The following PTPN3 variants were observed in gnomAD, a reference collection of about 807,000 sequenced individuals.
PTPN3 encodes protein tyrosine phosphatase non-receptor type 3.
In PTPN3, 96 loss-of-function variants were observed where a neutral mutation model predicts 132.7. That is an observed-to-expected ratio of 0.72 (90% CI 0.61 to 0.86). The LOEUF (loss-of-function observed/expected upper bound fraction) is 0.86, where lower values mean the gene tolerates loss of function less well. PTPN3 is among the 40% of genes least tolerant of loss of function. The probability of loss-of-function intolerance (pLI) is 0.00; values close to 1 mark genes in which losing one functional copy is unlikely to be tolerated. For synonymous variants in PTPN3, 398 were observed against 429.0 expected (o/e 0.93, Z 0.89); for missense variants, 1,125 against 1,159.6 (o/e 0.97, Z 0.43).
In PTPN3 at chr9:109,389,345, T is replaced by A. The variant is rs1839867874; in HGVS notation, c.2141A>T (p.Tyr714Phe). Residue 714 changes from tyrosine to phenylalanine, a missense_variant, in exon 22 of 26, where the codon TAC becomes TTC. Tyr to Phe is a conservative substitution (Grantham distance 22). Coordinates refer to ENST00000374541, the MANE Select transcript of PTPN3 (RefSeq NM_002829.4). Reference protein sequence around the residue: ...EIPAANLVNKYIATQGPLPHT... With the variant: ...EIPAANLVNKFIATQGPLPHT... The stretch of plus-strand genomic sequence containing the variant: ...CGGCAGGGGCCCCTGAGTGGCGATG[T>A]ACTTGTTCACAAGGTTAGCAGCAGG... 7.4e-6 allele frequency: 12 copies of A among 1,613,940 alleles called. No homozygotes were observed. The highest frequency in any genetic ancestry group is 1.0e-5 in the Non-Finnish European group (12 of 1,179,918).
intron 14 of PTPN3, among the ~76,000 whole-genome samples, chr9:109,420,040 T>C (rs560910317): frequency 2.6e-5 from 4 of 152,330 alleles, no homozygotes; most frequent in East Asian, 1.9e-4. Flanking sequence ...TTTGAAATCA[T>C]GTGATGGTAA....
intron 24 of PTPN3, 25 bp downstream of exon 24, chr9:109,382,277 C>T: frequency 6.2e-7 from 1 of 1,611,060 alleles, no homozygotes; most frequent in Non-Finnish European, 8.5e-7. Flanking sequence ...GGATTCCAAA[C>T]CTAACAAAAC....
upstream of PTPN3, among the ~76,000 whole-genome samples, chr9:109,500,755 A>C (rs1847852963): frequency 6.6e-6 from 1 of 151,512 alleles, no homozygotes; most frequent in Admixed American, 6.6e-5. Context: ...ACATAGCAAG[A>C]CCCCATCTTT....
chr9:109,416,957 T>C (rs1269686657), intron 14 of PTPN3, among the ~76,000 whole-genome samples: 1 of 152,210 alleles, frequency 6.6e-6, no homozygotes, highest in Non-Finnish European at 1.5e-5. Flanking sequence ...CTCTACAATG[T>C]GTTTCCCCCA....
rs762509177 is a variant in PTPN3, at chr9:109,379,669, T to A, written c.2665-36A>T. On this transcript the variant is annotated intron_variant, in intron 25 of 25. Coordinates refer to ENST00000374541, the MANE Select transcript of PTPN3 (RefSeq NM_002829.4). ...AAAAAATGCTGTCAAGTCCTGTAGCTCCAGGAAATGCTGCCTACCACACCC... is the reference window on the plus strand; with the variant it reads ...AAAAAATGCTGTCAAGTCCTGTAGCACCAGGAAATGCTGCCTACCACACCC... 1.5e-5 allele frequency: 23 copies of A among 1,553,972 alleles called. No individual in the cohort carries two copies. The Admixed American group carries it at 3.5e-4, about 24-fold the overall frequency.
In PTPN3 at chr9:109,410,069, T is replaced by C. The variant is rs774216839; in HGVS notation, c.1508A>G (p.Asn503Ser). ...ASQYYCDKND[N>S]GDSYLVLIRI... ...GATCAAGACTAAGTAGCTGTCACCA[T>C]TATCATTCTGGAAAACGGTTTGAAA... The change falls in exon 16 of 26, where the codon AAT (asparagine) becomes AGT (serine). Residue 503 changes from asparagine (N) to serine (S), a missense_variant. Asn to Ser is a conservative substitution (Grantham distance 46). Coordinates refer to ENST00000374541, the MANE Select transcript of PTPN3 (RefSeq NM_002829.4). 6.2e-7 allele frequency: 1 copy of C among 1,614,250 alleles called. No individual in the cohort carries two copies. The highest frequency in any genetic ancestry group is 8.5e-7 in the Non-Finnish European group (1 of 1,180,044).
intron 9 of PTPN3, among the ~76,000 whole-genome samples, chr9:109,433,916 TAAAA>T (rs1170933792): frequency 0.43 from 42,124 of 98,294 alleles, 8,551 homozygotes; most frequent in African/African-American, 0.56. Flanking sequence ...AGACTCTGTT[TAAAA>T]AAAAAAAAAA....
chr9:109,444,898 C>A (rs1844744176), intron 7 of PTPN3, among the ~76,000 whole-genome samples: 2 of 152,192 alleles, frequency 1.3e-5, no homozygotes, highest in South Asian at 4.1e-4. Flanking sequence ...AAATATTTGT[C>A]CCACTGGGAT....
intron 17 of PTPN3, 96 bp from the exon 18 acceptor site, chr9:109,406,714 T>C (rs1048847334): frequency 6.7e-6 from 10 of 1,489,968 alleles, no homozygotes; most frequent in African/African-American, 1.4e-5. Context: ...CCTGGGACCA[T>C]GATCAAGTTT....
At chr9:109,491,542 GT>G (rs967153309) in intron 1 of PTPN3, among the ~76,000 whole-genome samples, 1 of 152,000 alleles carries the variant, frequency 6.6e-6, no homozygotes, top group South Asian at 2.1e-4. Context: ...CTTAGAAAAA[GT>G]TTTTTTAAAA....
intron 1 of PTPN3, among the ~76,000 whole-genome samples, chr9:109,476,338 A>G (rs1193476433): frequency 6.6e-6 from 1 of 152,030 alleles, no homozygotes; most frequent in Non-Finnish European, 1.5e-5. Context: ...AATGAAATGT[A>G]TATGTTTATC....
the PTPN3 span, among the ~76,000 whole-genome samples, chr9:109,531,493 T>A: frequency 1.3e-5 from 2 of 152,230 alleles, no homozygotes; most frequent in Admixed American, 6.5e-5. Context: ...AATCTTGGTT[T>A]ACACCCACTC....
intron 1 of PTPN3, among the ~76,000 whole-genome samples, chr9:109,469,834 C>T (rs1846284130): frequency 6.6e-6 from 1 of 152,210 alleles, no homozygotes; most frequent in Non-Finnish European, 1.5e-5. Flanking sequence ...AGCCCAATGC[C>T]ACCACCTAGT....
chr9:109,524,372 AT>A, the PTPN3 span, among the ~76,000 whole-genome samples: 6,708 of 48,952 alleles, frequency 0.14, 1,899 homozygotes, highest in East Asian at 0.61. Flanking sequence ...AGGAGGTACT[AT>A]TATTCCCATC....
intron 1 of PTPN3, among the ~76,000 whole-genome samples, chr9:109,474,310 A>G (rs1449384810): frequency 1.3e-5 from 2 of 152,172 alleles, no homozygotes; most frequent in Admixed American, 6.5e-5. Flanking sequence ...GGGCTTGTCA[A>G]TCTTGTTTAC....
chr9:109,470,347 C>T (rs978101216), intron 1 of PTPN3, among the ~76,000 whole-genome samples: 2 of 152,112 alleles, frequency 1.3e-5, no homozygotes, highest in African/African-American at 2.4e-5. Flanking sequence ...AACAATCACT[C>T]GCATTGCTCA....
intron 11 of PTPN3, among the ~76,000 whole-genome samples, chr9:109,427,470 A>G (rs2131876877): frequency 6.6e-6 from 1 of 152,334 alleles, no homozygotes; most frequent in Admixed American, 6.5e-5. Context: ...CTCTGGGAAC[A>G]TCTCTCTCCT....
chr9:109,523,010 A>G, the PTPN3 span, among the ~76,000 whole-genome samples: 1 of 152,090 alleles, frequency 6.6e-6, no homozygotes, highest in Non-Finnish European at 1.5e-5. Context: ...TTATCTGTAA[A>G]ATGGGGATAA....
At chr9:109,426,839 C>A in intron 12 of PTPN3, 111 bp downstream of exon 12, 3 of 1,203,290 alleles carry the variant, frequency 2.5e-6, no homozygotes, top group Non-Finnish European at 3.5e-6. Context: ...ATGCCTGGAG[C>A]CCCTGGGCTA....
Sources: allele counts gnomAD v4.1 joint callset (sites outside exome capture counted in the v4.1 genomes callset), GRCh38; gene constraint gnomAD v4.1.1; transcripts MANE v1.5; gene names NCBI Gene and HGNC (gene_info 2026-07-23, HGNC 2026-07-21).